Variants in RPH3AL observed in about 807,000 individuals in gnomAD.
RPH3AL encodes the protein rab effector Noc2.
Under a neutral mutation model 43.1 loss-of-function variants are expected in RPH3AL, and 38 were observed. That is an observed-to-expected ratio of 0.88 (90% CI 0.68 to 1.15). The LOEUF (loss-of-function observed/expected upper bound fraction) is 1.15. RPH3AL is among the 50% of genes most tolerant of loss of function. The pLI is 0.00. For missense variants in RPH3AL, 462 were observed against 423.2 expected (o/e 1.09, Z -0.81); for synonymous variants, 189 against 176.3 (o/e 1.07, Z -0.57).
In RPH3AL at chr17:321,309, C is replaced by T; in HGVS notation, c.184G>A (p.Ala62Thr). Residue 62 changes from alanine to threonine, a missense_variant, in exon 4 of 10, where the codon GCA becomes ACA. By Grantham distance (58) the Ala-to-Thr change is moderately conservative. Transcript: ENST00000331302. ...TGCTCCAGGACGTCGAGCCGCTCTG[C>T]CCTCTGGATGACCTGCAGGATGGCC... ...VEAILQVIQR[A>T]ERLDVLEQQR... is the part of the protein sequence containing the mutation. 6.2e-7 allele frequency: 1 copy of T among 1,610,864 alleles called. No individual in the cohort carries two copies.
chr17:310,458 G>A (rs374378231), intron 5 of RPH3AL, among the ~76,000 whole-genome samples: 3 of 152,216 alleles, frequency 2.0e-5, no homozygotes, highest in Non-Finnish European at 4.4e-5. Flanking sequence ...TGCTTCCCAC[G>A]GCAGGGATCT....
chr17:285,511 C>T (rs192249926), intron 5 of RPH3AL, among the ~76,000 whole-genome samples: 7 of 152,298 alleles, frequency 4.6e-5, no homozygotes, highest in Admixed American at 1.3e-4. Context: ...TTCTGCAGCC[C>T]GGCGTGGTTT....
rs1338481344 is a variant in RPH3AL at position 219,204 on chromosome 17, T to TC, written c.727+418_727+419insG. On this transcript the variant is annotated intron_variant, in intron 8 of 9. Coordinates refer to ENST00000331302, the MANE Select transcript of RPH3AL (RefSeq NM_006987.4). ...GAAATAAACAGCACTTTTTTTTTTT[T>TC]TTTTTTTTTTTTTGAGATGGAGTCT... Among the ~76,000 whole-genome samples, 612 of 136,874 alleles carry TC rather than the reference T, an allele frequency of 4.5e-3. 4 individuals are homozygous for TC. Among genetic ancestry groups the TC allele is most frequent in the Middle Eastern group, 7.1e-3 (2 of 280 alleles). 89.8% of individuals were successfully genotyped at this position (136,874 alleles called of 152,430 possible). A position where few individuals can be genotyped will look rare whatever the true frequency, so the allele number is the denominator to read the frequency against.
At chr17:282,500 A>C (rs1195383998) in intron 5 of RPH3AL, among the ~76,000 whole-genome samples, 1 of 152,184 alleles carries the variant, frequency 6.6e-6, no homozygotes, top group Non-Finnish European at 1.5e-5. Context: ...AAATAACCAG[A>C]ATCTAGAACC....
In RPH3AL at chr17:215,819, G is replaced by T. The variant is rs62057050; in HGVS notation, c.728-17C>A. On this transcript the variant is annotated splice_polypyrimidine_tract_variant and intron_variant, in intron 8 of 9. Transcript: ENST00000331302. This position sits in a 1 kb window ranked among gnomAD's most constrained non-coding sequence, Gnocchi z 4.1. ...CGCTGCCACCTGTGGGAAATCACGT[G>T]TGGGCCCCGTGGATCTCAAACCGAG... 305,399 of 1,295,418 alleles carry T rather than the reference G, an allele frequency of 0.24. 39,595 individuals are homozygous for T. Among genetic ancestry groups the T allele is most frequent in the Non-Finnish European group, 0.26 (263,746 of 1,017,522 alleles). 80.2% of individuals were successfully genotyped at this position (1,295,418 alleles called of 1,614,324 possible).
At position 290,118 on chromosome 17, in the gene RPH3AL, G is replaced by T. The variant is rs867229998; in HGVS notation, c.352-8264C>A. Among the ~76,000 whole-genome samples, 3 of 152,238 alleles carry T rather than the reference G, an allele frequency of 2.0e-5. No individual in the cohort carries two copies. Among genetic ancestry groups the T allele is most frequent in the Admixed American group, 1.3e-4 (2 of 15,286 alleles). ...TATTACAGTTGAAAAAGCAAGACAG[G>T]CTCCCTCCCGGAACATGCCGACCTG... is the stretch of plus-strand genomic sequence containing the variant. On this transcript the variant is annotated intron_variant, in intron 5 of 9. Coordinates refer to ENST00000331302, the MANE Select transcript of RPH3AL (RefSeq NM_006987.4). This position sits in a 1 kb window ranked among gnomAD's most constrained non-coding sequence, Gnocchi z 4.2.
chr17:299,257 C>G (rs189225996), intron 5 of RPH3AL, among the ~76,000 whole-genome samples: 1 of 151,714 alleles, frequency 6.6e-6, no homozygotes, highest in African/African-American at 2.4e-5. Flanking sequence ...GCCCGAATGC[C>G]GCTGCTGTCT....
Position 215,966 on chromosome 17 carries a change from T to C in RPH3AL, c.728-164A>G, listed in dbSNP as rs1442415333. The C allele has an allele frequency of 2.0e-6, 1 of 489,128 alleles. No homozygotes were observed. 30.3% of individuals were successfully genotyped at this position (489,128 alleles called of 1,614,324 possible). ...GACCTCACCCACATGGCTGCCGGGC[T>C]CTGGCCTGACCCCACCCACATGGCT... On this transcript the variant is annotated intron_variant, in intron 8 of 9. Coordinates refer to ENST00000331302, the MANE Select transcript of RPH3AL (RefSeq NM_006987.4). This position sits in a 1 kb window ranked among gnomAD's most constrained non-coding sequence, Gnocchi z 4.1.
intron 6 of RPH3AL, among the ~76,000 whole-genome samples, chr17:270,165 TCAGGCAGCCGCCCGCC>T (rs1168903478): frequency 6.6e-6 from 1 of 152,010 alleles, no homozygotes; most frequent in Non-Finnish European, 1.5e-5. Flanking sequence ...GGTGGGGTGC[TCAGGCAGCCGCCCGCC>T]CCAGCACCAG....
At chr17:315,134 C>CT (rs1210466346) in intron 5 of RPH3AL, among the ~76,000 whole-genome samples, 1 of 108,192 alleles carries the variant, frequency 9.2e-6, no homozygotes, top group Non-Finnish European at 2.0e-5. Flanking sequence ...AGTCTCTGTG[C>CT]TCCACCTCCA....
chr17:314,894 T>C lies in RPH3AL; in HGVS notation c.351+4526A>G, dbSNP rs1555518425. ...CTCCATTGACCTGTAGTCTCTGTGC[T>C]CCACCTCCATTGACCAGTAGTCCCT... On this transcript the variant is annotated intron_variant, in intron 5 of 9. Coordinates refer to ENST00000331302, the MANE Select transcript of RPH3AL (RefSeq NM_006987.4). Among the ~76,000 whole-genome samples, 470 of 64,510 alleles carry C rather than the reference T, an allele frequency of 7.3e-3. 6 individuals carry two copies. The highest frequency in any genetic ancestry group is 0.041 in the African/African-American group (372 of 9,156). The allele number at this position is 64,510 out of a possible 152,430, so 42.3% of individuals were successfully genotyped here. A position where few individuals can be genotyped will look rare whatever the true frequency, so the allele number is the denominator to read the frequency against.
chr17:352,377 A>G lies in RPH3AL; in HGVS notation c.-213+335T>C, dbSNP rs544285490. On this transcript the variant is annotated intron_variant, in intron 1 of 9. Transcript: ENST00000331302. ...ATCTCTGTCCACTGGGGTGTTTCAA[A>G]GGACCACACAGAAAGAGCAACGGAG... 1.1e-4 allele frequency among the ~76,000 whole-genome samples: 17 copies of G among 152,244 alleles called. No individual in the cohort carries two copies. In the Middle Eastern group the frequency reaches 0.034, roughly 305 times the overall value.
chr17:215,657 G>A lies in RPH3AL; in HGVS notation c.873C>T (p.Ala291=). ...GGPRPGLTRR[A]PVKDTPGRAP... ...AAGGCAGCAGTTGGGTACTCACCGGGGCCCTTCGGGTCAGCCCGGGGCGGG... is the reference window on the plus strand; with the variant it reads ...AAGGCAGCAGTTGGGTACTCACCGGAGCCCTTCGGGTCAGCCCGGGGCGGG... Residue 291 remains alanine, a synonymous_variant, in exon 9 of 10, where the codon GCC becomes GCT. Transcript: ENST00000331302. The surrounding 1 kb of genome is among the most constrained non-coding windows in gnomAD (Gnocchi z 4.1). 1.6e-6 allele frequency: 2 copies of A among 1,279,038 alleles called. No homozygotes were observed. The highest frequency in any genetic ancestry group is 2.0e-6 in the Non-Finnish European group (2 of 1,008,110). The allele number at this position is 1,279,038 out of a possible 1,614,324, so 79.2% of individuals were successfully genotyped here.
chr17:259,653 C>A (rs190677535), intron 6 of RPH3AL, among the ~76,000 whole-genome samples: 1 of 152,156 alleles, frequency 6.6e-6, no homozygotes, highest in Non-Finnish European at 1.5e-5. Context: ...GTGATAAGGC[C>A]GGCAAAGCAG....
intron 5 of RPH3AL, among the ~76,000 whole-genome samples, chr17:297,448 G>A (rs1203679965): frequency 6.6e-6 from 1 of 152,172 alleles, no homozygotes; most frequent in Non-Finnish European, 1.5e-5. Context: ...TGAGGCGGGG[G>A]ACAGTCCTGG....
At chr17:321,213 T>TGC in intron 4 of RPH3AL, 59 bp downstream of exon 4, 2 of 1,566,962 alleles carry the variant, frequency 1.3e-6, no homozygotes, top group South Asian at 2.3e-5. Flanking sequence ...CCCAGTCCCC[T>TGC]GCGCTTGCGC....
chr17:226,152 C>A (rs545935565), intron 7 of RPH3AL, among the ~76,000 whole-genome samples: 19 of 152,382 alleles, frequency 1.2e-4, no homozygotes, highest in Middle Eastern at 3.4e-3. Flanking sequence ...TCACAAAAAA[C>A]AGGTAGAAAT....
At chr17:349,598 G>A (rs543360353) in intron 1 of RPH3AL, among the ~76,000 whole-genome samples, 4 of 152,136 alleles carry the variant, frequency 2.6e-5, no homozygotes, top group Non-Finnish European at 5.9e-5. Flanking sequence ...AAGGTGGGAG[G>A]ATTGCTTGAG....
Position 283,138 on chromosome 17 carries a change from G to A in RPH3AL, c.352-1284C>T, listed in dbSNP as rs1044248816. ...TCTTTCTGCCACACGGAAGCCACCCGGTCCCTGCGTGGGTGGGGGCTCTCT... is the reference window on the plus strand; with the variant it reads ...TCTTTCTGCCACACGGAAGCCACCCAGTCCCTGCGTGGGTGGGGGCTCTCT... On this transcript the variant is annotated intron_variant, in intron 5 of 9. Transcript: ENST00000331302. The surrounding 1 kb of genome is among the most constrained non-coding windows in gnomAD (Gnocchi z 4.2). Among the ~76,000 whole-genome samples the A allele has an allele frequency of 8.1e-5, 12 of 148,654 alleles. No homozygotes were observed. The highest frequency in any genetic ancestry group is 1.8e-4 in the African/African-American group (7 of 39,558).
Sources: gnomAD v4.1 joint callset for allele counts (sites outside exome capture counted in the v4.1 genomes callset) on GRCh38, gnomAD v4.1.1 for gene constraint, Gnocchi (gnomAD v3.1) non-coding constraint, MANE v1.5 for transcripts, NCBI Gene and HGNC (gene_info 2026-07-23, HGNC 2026-07-21) for gene names.